TAFA2: variants seen among roughly 807,000 people sequenced by gnomAD.
The protein encoded by TAFA2 is chemokine-like protein TAFA-2.
In TAFA2, 7 loss-of-function variants were observed where a neutral mutation model predicts 18.8. That is an observed-to-expected ratio of 0.37 (90% CI 0.21 to 0.70). TAFA2 has a LOEUF of 0.70. TAFA2 is among the 30% of genes least tolerant of loss of function. The pLI, the probability that TAFA2 is intolerant of heterozygous loss-of-function variation, is 0.53. For missense variants in TAFA2, 122 were observed against 158.1 expected, an observed-to-expected ratio of 0.77 and a Z score of 1.23; for synonymous variants, 60 against 54.2, an observed-to-expected ratio of 1.11 and a Z score of -0.47.
At chr12:61,829,834 A>G (rs1276605770) in intron 2 of TAFA2, among the ~76,000 whole-genome samples, 1 of 151,808 alleles carries the variant, frequency 6.6e-6, no homozygotes, top group Non-Finnish European at 1.5e-5. Flanking sequence ...GCCTAAATAT[A>G]AAGAACACAA....
At chr12:61,765,717 T>C (rs1869760241) in intron 2 of TAFA2, among the ~76,000 whole-genome samples, 1 of 152,122 alleles carries the variant, frequency 6.6e-6, no homozygotes, top group South Asian at 2.1e-4. Flanking sequence ...GTGTTAGCTA[T>C]AATTATTATG....
intron 1 of TAFA2, among the ~76,000 whole-genome samples, chr12:62,184,928 C>A (rs1190744290): frequency 2.0e-5 from 3 of 152,132 alleles, no homozygotes. Flanking sequence ...AGCTACAAAG[C>A]ATCTCCAGAG....
intron 1 of TAFA2, among the ~76,000 whole-genome samples, chr12:61,888,570 A>G (rs1228760598): frequency 6.6e-6 from 1 of 152,246 alleles, no homozygotes; most frequent in Non-Finnish European, 1.5e-5. Context: ...ATAACAACTC[A>G]CATTTTGCAA....
chr12:61,719,522 A>G (rs556381947), intron 4 of TAFA2, among the ~76,000 whole-genome samples: 1 of 152,290 alleles, frequency 6.6e-6, no homozygotes, highest in East Asian at 1.9e-4. Flanking sequence ...CCCAACCAAC[A>G]GTAGCAAGCA....
intron 1 of TAFA2, among the ~76,000 whole-genome samples, chr12:61,983,349 G>A (rs992389500): frequency 6.6e-6 from 1 of 152,010 alleles, no homozygotes; most frequent in Non-Finnish European, 1.5e-5. Flanking sequence ...ACCAGGAAGG[G>A]GTGGAATTCT....
chr12:61,813,979 G>A (rs536840405), intron 2 of TAFA2, among the ~76,000 whole-genome samples: 33 of 151,380 alleles, frequency 2.2e-4, no homozygotes, highest in Admixed American at 4.6e-4. Flanking sequence ...GCTAAATATC[G>A]GAGCACATCA....
At chr12:62,123,060 T>C (rs1368656400) in intron 1 of TAFA2, among the ~76,000 whole-genome samples, 1 of 152,218 alleles carries the variant, frequency 6.6e-6, no homozygotes, top group Non-Finnish European at 1.5e-5. Context: ...CTATTTCATA[T>C]TCACTTTATG....
At chr12:61,933,048 A>G (rs1250748993) in intron 1 of TAFA2, among the ~76,000 whole-genome samples, 1 of 152,196 alleles carries the variant, frequency 6.6e-6, no homozygotes, top group African/African-American at 2.4e-5. Flanking sequence ...AGCTGAGGTT[A>G]TTATCCAGTT....
intron 1 of TAFA2, among the ~76,000 whole-genome samples, chr12:61,920,133 A>G (rs1174293964): frequency 6.6e-6 from 1 of 152,200 alleles, no homozygotes; most frequent in Non-Finnish European, 1.5e-5. Flanking sequence ...AATCAGCACT[A>G]ACTTAGATGG....
intron 1 of TAFA2, among the ~76,000 whole-genome samples, chr12:62,068,957 T>A (rs191324898): frequency 3.4e-4 from 52 of 152,324 alleles, no homozygotes; most frequent in Admixed American, 1.0e-3. Flanking sequence ...GAGGTCTGAA[T>A]GTCACAAATT....
At chr12:62,037,237 C>T (rs766580518) in intron 1 of TAFA2, among the ~76,000 whole-genome samples, 1 of 152,186 alleles carries the variant, frequency 6.6e-6, no homozygotes, top group Non-Finnish European at 1.5e-5. Flanking sequence ...GTTCCTTCTC[C>T]ATCTGTGCTC....
At chr12:61,738,050 T>C (rs1021402387) in intron 4 of TAFA2, among the ~76,000 whole-genome samples, 1 of 152,048 alleles carries the variant, frequency 6.6e-6, no homozygotes, top group Non-Finnish European at 1.5e-5. Context: ...GGTTATTCCA[T>C]TAATAGGAAT....
At chr12:62,095,809 A>C (rs1172566320) in intron 1 of TAFA2, among the ~76,000 whole-genome samples, 1 of 152,118 alleles carries the variant, frequency 6.6e-6, no homozygotes, top group Non-Finnish European at 1.5e-5. Flanking sequence ...TATTGCTCAG[A>C]GGTAAAGAAC....
At chr12:61,939,466 G>T (rs1170057732) in intron 1 of TAFA2, among the ~76,000 whole-genome samples, 1 of 152,040 alleles carries the variant, frequency 6.6e-6, no homozygotes. Context: ...TGTGGAATTA[G>T]TCAAACTTTC....
At chr12:62,119,026 A>G (rs570226512) in intron 1 of TAFA2, among the ~76,000 whole-genome samples, 91 of 152,254 alleles carry the variant, frequency 6.0e-4, no homozygotes, top group African/African-American at 2.1e-3. Context: ...TAGACCTAAA[A>G]ACCATTCATC....
intron 1 of TAFA2, among the ~76,000 whole-genome samples, chr12:62,035,400 G>C (rs1273832127): frequency 6.6e-6 from 1 of 152,102 alleles, no homozygotes; most frequent in East Asian, 1.9e-4. Context: ...CGCTCTAAGG[G>C]GAAAGCAATC....
At chr12:62,108,322 C>CATG (rs1869557057) in intron 1 of TAFA2, among the ~76,000 whole-genome samples, 1 of 152,124 alleles carries the variant, frequency 6.6e-6, no homozygotes, top group African/African-American at 2.4e-5. Flanking sequence ...TGAACTCATC[C>CATG]CTTTTTTGGC....
At chr12:62,191,118 G>A (rs1033236641) in intron 1 of TAFA2, 141 bp downstream of exon 1, 3 of 152,090 alleles carry the variant, frequency 2.0e-5, no homozygotes, top group Admixed American at 1.3e-4. Flanking sequence ...CGCCTTCCCC[G>A]GGCGATCCCT....
intron 1 of TAFA2, among the ~76,000 whole-genome samples, chr12:61,915,420 T>C (rs1876782066): frequency 6.6e-6 from 1 of 152,226 alleles, no homozygotes; most frequent in Admixed American, 6.5e-5. Flanking sequence ...CAGTAGATCC[T>C]GGTTCTGAGC....
Sources: allele counts gnomAD v4.1 joint callset (sites outside exome capture counted in the v4.1 genomes callset), GRCh38; gene constraint gnomAD v4.1.1; transcripts MANE v1.5; gene names NCBI Gene and HGNC (gene_info 2026-07-23, HGNC 2026-07-21).